TDRD3: variants seen among roughly 807,000 people sequenced by gnomAD.
The protein encoded by TDRD3 is tudor domain-containing protein 3.
A neutral mutation model predicts 86.7 loss-of-function variants in TDRD3; 45 were observed. The ratio of observed to expected loss-of-function variants is 0.52; its 90% CI spans 0.41 to 0.67. The LOEUF (loss-of-function observed/expected upper bound fraction) is 0.67, where lower values mean the gene tolerates loss of function less well. Ranked by LOEUF, TDRD3 falls within the 30% of genes least tolerant of loss-of-function variation. The probability of loss-of-function intolerance (pLI) is 0.00; values close to 1 mark genes in which losing one functional copy is unlikely to be tolerated. For synonymous variants in TDRD3, 298 were observed against 301.7 expected, an observed-to-expected ratio of 0.99 and a Z score of 0.13; for missense variants, 814 against 889.0, an observed-to-expected ratio of 0.92 and a Z score of 1.07.
intron 8 of TDRD3, among the ~76,000 whole-genome samples, chr13:60,502,787 T>G (rs1461102787): frequency 6.6e-6 from 1 of 152,202 alleles, no homozygotes; most frequent in Non-Finnish European, 1.5e-5. Flanking sequence ...GGAATTTTAT[T>G]GTCTCTACAA....
chr13:60,435,918 G>GTTTTTTTTTTTTTTTTTTTTTTTT lies in TDRD3; in HGVS notation c.42-3757_42-3756insTTTTTTTTTTTTTTTTTTTTTTTT, dbSNP rs767705603. 5.8e-3 allele frequency among the ~76,000 whole-genome samples: 716 copies of GTTTTTTTTTTTTTTTTTTTTTTTT among 123,438 alleles called. 28 individuals are homozygous for GTTTTTTTTTTTTTTTTTTTTTTTT. The highest frequency in any genetic ancestry group is 9.0e-3 in the Non-Finnish European group (488 of 54,222). The allele number at this position is 123,438 out of a possible 152,430, so 81.0% of individuals were successfully genotyped here. ...AAACCACATCATGACAACATCTATG[G>GTTTTTTTTTTTTTTTTTTTTTTTT]TTTTTTTTTTTTTACTTTTTAATTA... On this transcript the variant is annotated intron_variant, in intron 1 of 13. Coordinates refer to ENST00000377881, the MANE Select transcript of TDRD3 (RefSeq NM_001146070.2).
chr13:60,512,082 G>GA, intron 10 of TDRD3, among the ~76,000 whole-genome samples: 1 of 152,074 alleles, frequency 6.6e-6, no homozygotes, highest in South Asian at 2.1e-4. Context: ...ACTTATACAG[G>GA]AAAAAGAGTG....
intron 7 of TDRD3, among the ~76,000 whole-genome samples, chr13:60,488,253 T>C (rs1232225885): frequency 6.6e-6 from 1 of 152,192 alleles, no homozygotes; most frequent in South Asian, 2.1e-4. Context: ...GAAGCAATTC[T>C]GATGAATGAG....
chr13:60,528,757 C>T lies in TDRD3; in HGVS notation c.1532C>T (p.Pro511Leu), dbSNP rs138120427. The change falls in exon 11 of 14, where the codon CCC (proline) becomes CTC (leucine). Residue 511 changes from proline to leucine, a missense_variant. Transcript: ENST00000377881. The part of the protein sequence containing the change: ...NSMQSRSGKG[P>L]SFAEAKENPL... ...ATGCAAAGCAGATCAGGAAAAGGTC[C>T]CTCCTTTGCAGAGGCAAAAGAAAAT... 6.2e-7 allele frequency: 1 copy of T among 1,613,028 alleles called. No homozygotes were observed. Among genetic ancestry groups the T allele is most frequent in the African/African-American group, 1.3e-5 (1 of 74,812 alleles).
chr13:60,422,642 CAG>C (rs1320779481), intron 1 of TDRD3, among the ~76,000 whole-genome samples: 1 of 151,686 alleles, frequency 6.6e-6, no homozygotes, highest in African/African-American at 2.4e-5. Context: ...AAGAAAATAT[CAG>C]AATTATTTTA....
chr13:60,540,875 G>T (rs1428904155), intron 12 of TDRD3, among the ~76,000 whole-genome samples: 1 of 151,890 alleles, frequency 6.6e-6, no homozygotes, highest in Non-Finnish European at 1.5e-5. Flanking sequence ...TTTTCTGATG[G>T]TGAAGTAAAT....
At chr13:60,460,730 C>G (rs928664533) in intron 4 of TDRD3, 190 bp downstream of exon 4, 1 of 482,864 alleles carries the variant, frequency 2.1e-6, no homozygotes, top group South Asian at 3.4e-5. Flanking sequence ...TATGGCCAGG[C>G]GTGGTGGCTC....
chr13:60,414,538 G>A (rs1954445793), intron 1 of TDRD3, among the ~76,000 whole-genome samples: 1 of 152,132 alleles, frequency 6.6e-6, no homozygotes, highest in Admixed American at 6.6e-5. Flanking sequence ...AGAAAAAACT[G>A]AAGTTGGAAC....
chr13:60,523,137 G>A (rs1228475892), intron 10 of TDRD3, among the ~76,000 whole-genome samples: 2 of 152,054 alleles, frequency 1.3e-5, no homozygotes, highest in Non-Finnish European at 2.9e-5. Flanking sequence ...AAATATTAAG[G>A]CATTTCTTCA....
chr13:60,478,080 C>T (rs750171882), intron 5 of TDRD3, among the ~76,000 whole-genome samples: 1 of 151,974 alleles, frequency 6.6e-6, no homozygotes, highest in Non-Finnish European at 1.5e-5. Context: ...CAGGTTTTCA[C>T]TCCCTTCCTG....
At chr13:60,548,961 A>C (rs1957989269) in intron 12 of TDRD3, among the ~76,000 whole-genome samples, 1 of 152,184 alleles carries the variant, frequency 6.6e-6, no homozygotes, top group Non-Finnish European at 1.5e-5. Flanking sequence ...ATGGTAGTGA[A>C]AAACCAGAAG....
At chr13:60,447,433 A>C (rs1955429908) in intron 3 of TDRD3, among the ~76,000 whole-genome samples, 2 of 152,166 alleles carry the variant, frequency 1.3e-5, no homozygotes, top group South Asian at 4.1e-4. Context: ...TACAACATTG[A>C]AGACATAAAT....
intron 10 of TDRD3, among the ~76,000 whole-genome samples, chr13:60,514,731 CA>C (rs1957131838): frequency 6.6e-6 from 1 of 152,144 alleles, no homozygotes; most frequent in African/African-American, 2.4e-5. Flanking sequence ...AGCCAGATCA[CA>C]AGGATTTTGT....
chr13:60,423,060 G>A (rs1219547856), intron 1 of TDRD3, among the ~76,000 whole-genome samples: 1 of 152,112 alleles, frequency 6.6e-6, no homozygotes, highest in African/African-American at 2.4e-5. Flanking sequence ...CATGAAACAA[G>A]TCAAATAAAA....
At chr13:60,554,895 G>A (rs978338736) in intron 12 of TDRD3, among the ~76,000 whole-genome samples, 1 of 152,000 alleles carries the variant, frequency 6.6e-6, no homozygotes, top group African/African-American at 2.4e-5. Flanking sequence ...GGAATTACAG[G>A]TTACTAAAAT....
chr13:60,448,419 G>C (rs1305534808), intron 3 of TDRD3, among the ~76,000 whole-genome samples: 1 of 152,118 alleles, frequency 6.6e-6, no homozygotes, highest in African/African-American at 2.4e-5. Flanking sequence ...AATTAATATA[G>C]TAGTTTTGCT....
At chr13:60,429,601 T>TA (rs1159584484) in intron 1 of TDRD3, among the ~76,000 whole-genome samples, 1 of 152,140 alleles carries the variant, frequency 6.6e-6, no homozygotes, top group Non-Finnish European at 1.5e-5. Flanking sequence ...TTCTTATTGT[T>TA]AAAAAACTTT....
In TDRD3 at chr13:60,490,176, G is replaced by A. The variant is rs111669244; in HGVS notation, c.717+4228G>A. Reference sequence around the variant, plus strand: ...TGTGCAAGGTTATCCAGTGATAATTGTAGGACTCAATCGATGTAACTCAGA... The same window carrying A: ...TGTGCAAGGTTATCCAGTGATAATTATAGGACTCAATCGATGTAACTCAGA... On this transcript the variant is annotated intron_variant, in intron 7 of 13. Transcript: ENST00000377881. 3.5e-3 allele frequency among the ~76,000 whole-genome samples: 521 copies of A among 149,058 alleles called. 4 individuals carry two copies. Among genetic ancestry groups the A allele is most frequent in the African/African-American group, 0.012 (497 of 40,604 alleles).
rs181644584 is a variant in TDRD3, at chr13:60,397,965, T to G, written c.41+560T>G. ...AGTGTGGACCAGTGTGAATCTGCCTTCCGCGGCACACACACAACTTCTGGA... is the reference window on the plus strand; with the variant it reads ...AGTGTGGACCAGTGTGAATCTGCCTGCCGCGGCACACACACAACTTCTGGA... On this transcript the variant is annotated intron_variant, in intron 1 of 13. Transcript: ENST00000377881. Among the ~76,000 whole-genome samples, 52 of 152,282 alleles carry G rather than the reference T, an allele frequency of 3.4e-4. No homozygotes were observed. The East Asian group carries it at 8.3e-3, about 24-fold the overall frequency.
Sources: allele counts gnomAD v4.1 joint callset (sites outside exome capture counted in the v4.1 genomes callset), GRCh38; gene constraint gnomAD v4.1.1; transcripts MANE v1.5; gene names NCBI Gene and HGNC (gene_info 2026-07-23, HGNC 2026-07-21).